Variants in RAP1B observed in about 807,000 individuals in gnomAD.
RAP1B encodes RAP1B, member of RAS oncogene family.
Under a neutral mutation model 27.5 loss-of-function variants are expected in RAP1B, and 1 was observed. The ratio of observed to expected loss-of-function variants is 0.04; its 90% CI spans 0.01 to 0.17. The LOEUF (loss-of-function observed/expected upper bound fraction) is 0.17, where lower values mean the gene tolerates loss of function less well. RAP1B is among the 10% of genes least tolerant of loss of function. RAP1B has a pLI of 1.00. For synonymous variants in RAP1B, 75 were observed against 73.1 expected (o/e 1.03, Z -0.13); for missense variants, 84 against 214.8 (o/e 0.39, Z 3.81).
chr12:68,657,553 T>TAACCACTA (rs1874292962), intron 7 of RAP1B: 1 of 164,764 alleles, frequency 6.1e-6, no homozygotes, highest in African/African-American at 2.4e-5. Flanking sequence ...TACAGGCACG[T>TAACCACTA]GCCACCACGC....
At chr12:68,650,276 T>G in intron 2 of RAP1B, 124 bp from the exon 3 acceptor site, 1 of 879,920 alleles carries the variant, frequency 1.1e-6, no homozygotes, top group East Asian at 3.4e-5. Flanking sequence ...GAATGTAGTA[T>G]TGGCTGTGGT....
At chr12:68,648,976 C>G (rs894435320) in intron 2 of RAP1B, 195 bp downstream of exon 2, 1 of 517,606 alleles carries the variant, frequency 1.9e-6, no homozygotes, top group Non-Finnish European at 3.3e-6. Context: ...AACATTGACT[C>G]CAGAATGACA....
At chr12:68,637,879 T>A (rs530427540) in intron 1 of RAP1B, among the ~76,000 whole-genome samples, 1 of 152,294 alleles carries the variant, frequency 6.6e-6, no homozygotes, top group East Asian at 1.9e-4. Flanking sequence ...TGGTTTCATC[T>A]TCTTAAAATG....
At chr12:68,650,513 A>G in intron 3 of RAP1B, 45 bp downstream of exon 3, 1 of 1,343,016 alleles carries the variant, frequency 7.4e-7, no homozygotes, top group Middle Eastern at 2.7e-4. Flanking sequence ...TTTTAATATA[A>G]ATACTTATTT....
chr12:68,629,375 A>G (rs1872070920), intron 1 of RAP1B, among the ~76,000 whole-genome samples: 2 of 152,240 alleles, frequency 1.3e-5, no homozygotes, highest in South Asian at 4.1e-4. Flanking sequence ...TAAAAGCACC[A>G]TACAGACATG....
At chr12:68,629,972 CA>C (rs1486214079) in intron 1 of RAP1B, among the ~76,000 whole-genome samples, 1 of 152,192 alleles carries the variant, frequency 6.6e-6, no homozygotes, top group Non-Finnish European at 1.5e-5. Flanking sequence ...CAGAAATTTT[CA>C]AATGTTTTTG....
chr12:68,645,241 G>A (rs1376527287), intron 1 of RAP1B, among the ~76,000 whole-genome samples: 1 of 152,096 alleles, frequency 6.6e-6, no homozygotes, highest in African/African-American at 2.4e-5. Context: ...ATTTTACCTG[G>A]AAGGAAAGTG....
At chr12:68,640,340 A>C (rs1387002212) in intron 1 of RAP1B, among the ~76,000 whole-genome samples, 2 of 151,850 alleles carry the variant, frequency 1.3e-5, no homozygotes, top group African/African-American at 2.4e-5. Flanking sequence ...ACTGCTTATC[A>C]CAGCTGACAC....
At chr12:68,652,547 G>T (rs1217545357) in intron 4 of RAP1B, among the ~76,000 whole-genome samples, 1 of 152,192 alleles carries the variant, frequency 6.6e-6, no homozygotes, top group South Asian at 2.1e-4. Flanking sequence ...GGGCGCAGTG[G>T]CTCACGCCTG....
rs1047783657 is a variant in RAP1B, at chr12:68,661,642, C to T, written c.*2393C>T. 8.6e-5 allele frequency: 13 copies of T among 151,850 alleles called. No individual in the cohort carries two copies. The highest frequency in any genetic ancestry group is 2.9e-4 in the African/African-American group (12 of 41,304). 9.4% of individuals were successfully genotyped at this position (151,850 alleles called of 1,614,324 possible). A position where few individuals can be genotyped will look rare whatever the true frequency, so the allele number is the denominator to read the frequency against. The stretch of plus-strand genomic sequence containing the variant: ...TGCCCACTAGATGCCAGTCACACCA[C>T]CCCAGCCCCCAAGTTGTGGCAACCA... On this transcript the variant is annotated 3_prime_UTR_variant, in exon 8 of 8. Coordinates refer to ENST00000250559, the MANE Select transcript of RAP1B (RefSeq NM_001010942.3).
chr12:68,618,562 A>G (rs1238265911), intron 1 of RAP1B, among the ~76,000 whole-genome samples: 1 of 152,210 alleles, frequency 6.6e-6, no homozygotes, highest in East Asian at 1.9e-4. Flanking sequence ...TGGCGAGTCT[A>G]CAAGTGCAAA....
chr12:68,649,436 C>CAGGAAA (rs1873656203), intron 2 of RAP1B: 3 of 152,084 alleles, frequency 2.0e-5, no homozygotes, highest in African/African-American at 7.2e-5. Flanking sequence ...CTTTGACTGT[C>CAGGAAA]CAGCTTTACA....
chr12:68,630,899 A>G (rs1312728692), intron 1 of RAP1B, among the ~76,000 whole-genome samples: 4 of 151,356 alleles, frequency 2.6e-5, no homozygotes, highest in African/African-American at 7.3e-5. Flanking sequence ...CCCAAGGATT[A>G]CAGGTGTCAA....
chr12:68,656,230 C>T, intron 5 of RAP1B, 76 bp from the exon 6 acceptor site: 1 of 1,303,282 alleles, frequency 7.7e-7, no homozygotes. Flanking sequence ...TTAGATTTGA[C>T]TCTTAGAATT....
At chr12:68,615,839 G>A (rs1299104734) in intron 1 of RAP1B, among the ~76,000 whole-genome samples, 4 of 151,900 alleles carry the variant, frequency 2.6e-5, no homozygotes, top group Non-Finnish European at 5.9e-5. Context: ...TTAAATTTTA[G>A]CTGAATTCTG....
intron 1 of RAP1B, among the ~76,000 whole-genome samples, chr12:68,617,774 A>AT (rs557536333): frequency 0.064 from 9,438 of 147,992 alleles, 712 homozygotes; most frequent in African/African-American, 0.19. Context: ...GTAATGTACT[A>AT]TTTTTTTTTT....
rs1294453516 is a variant in RAP1B, at chr12:68,640,962, T to C, written c.-26-7737T>C. 2.0e-5 allele frequency: 3 copies of C among 152,356 alleles called. No homozygotes were observed. In the South Asian group the frequency reaches 6.2e-4, roughly 32 times the overall value. The allele number at this position is 152,356 out of a possible 1,614,324, so 9.4% of individuals were successfully genotyped here. On this transcript the variant is annotated intron_variant, in intron 1 of 7. Transcript: ENST00000250559. ...ATACTAGTTAATAATCTCCGGTTAATGAAATAATTATCTTAGATAAATTTA... is the reference window on the plus strand; with the variant it reads ...ATACTAGTTAATAATCTCCGGTTAACGAAATAATTATCTTAGATAAATTTA...
At chr12:68,645,197 C>T (rs962319573) in intron 1 of RAP1B, among the ~76,000 whole-genome samples, 1 of 152,196 alleles carries the variant, frequency 6.6e-6, no homozygotes, top group Non-Finnish European at 1.5e-5. Flanking sequence ...TGTAATCCAT[C>T]TCACAACCTT....
intron 1 of RAP1B, among the ~76,000 whole-genome samples, chr12:68,634,950 T>C (rs763920572): frequency 1.3e-5 from 2 of 152,216 alleles, no homozygotes; most frequent in African/African-American, 4.8e-5. Flanking sequence ...ATTATAAATA[T>C]GATCAGAATA....
Sources: gnomAD v4.1 joint callset for allele counts (sites outside exome capture counted in the v4.1 genomes callset) on GRCh38, gnomAD v4.1.1 for gene constraint, MANE v1.5 for transcripts, NCBI Gene and HGNC (gene_info 2026-07-23, HGNC 2026-07-21) for gene names.